INSL6: variants seen among roughly 807,000 people sequenced by gnomAD.
INSL6 encodes the protein insulin-like peptide INSL6.
In INSL6, 16 loss-of-function variants were observed where a neutral mutation model predicts 9.4. That is an observed-to-expected ratio of 1.70 (90% confidence interval 1.15 to 2.59). INSL6 has a LOEUF of 2.59. Among genes scored for constraint, INSL6 ranks in the 30% most tolerant of loss-of-function variants. The probability of loss-of-function intolerance (pLI) is 0.00; values close to 1 mark genes in which losing one functional copy is unlikely to be tolerated. For missense variants in INSL6, 391 were observed against 257.3 expected (o/e 1.52, Z -3.56); for synonymous variants, 154 against 96.9 (o/e 1.59, Z -3.46).
intron 2 of INSL6, among the ~76,000 whole-genome samples, chr9:5,151,313 T>C (rs1007011709): frequency 5.9e-5 from 9 of 151,874 alleles, no homozygotes; most frequent in South Asian, 2.1e-4. Context: ...GCAGGAAAAA[T>C]CTGATATTAG....
the INSL6 span, among the ~76,000 whole-genome samples, chr9:5,040,112 G>T: frequency 6.6e-6 from 1 of 152,316 alleles, no homozygotes; most frequent in South Asian, 2.1e-4. Flanking sequence ...TGAATATACA[G>T]ATTAATGGAA....
the INSL6 span, among the ~76,000 whole-genome samples, chr9:5,075,961 A>C: frequency 6.6e-6 from 1 of 152,280 alleles, no homozygotes; most frequent in Non-Finnish European, 1.5e-5. Flanking sequence ...GAAAAAGTTC[A>C]TTCTAACCCT....
downstream of INSL6, among the ~76,000 whole-genome samples, chr9:5,161,129 C>CA (rs1198824662): frequency 6.6e-6 from 1 of 151,934 alleles, no homozygotes; most frequent in African/African-American, 2.4e-5. Flanking sequence ...AAAGGCACAT[C>CA]AAAAAAGGAA....
chr9:5,183,517 G>A (rs1390200484), intron 1 of INSL6, among the ~76,000 whole-genome samples: 2 of 152,202 alleles, frequency 1.3e-5, no homozygotes, highest in African/African-American at 4.8e-5. Context: ...TCATTAACAA[G>A]CTGAGTTTTA....
chr9:5,082,455 G>A, the INSL6 span, among the ~76,000 whole-genome samples: 1 of 152,244 alleles, frequency 6.6e-6, no homozygotes, highest in Non-Finnish European at 1.5e-5. Flanking sequence ...CCGCCACAGG[G>A]CAGTTTTTCT....
the INSL6 span, among the ~76,000 whole-genome samples, chr9:5,036,548 A>C: frequency 1.3e-5 from 2 of 152,218 alleles, no homozygotes; most frequent in Non-Finnish European, 2.9e-5. Flanking sequence ...AATGGAAAGA[A>C]ATAATGCTAC....
chr9:5,046,136 G>A, the INSL6 span, among the ~76,000 whole-genome samples: 3 of 152,302 alleles, frequency 2.0e-5, no homozygotes, highest in African/African-American at 7.2e-5. Context: ...CAGTGATCAT[G>A]AGCATCTTTT....
At chr9:5,127,639 C>T (rs1824082999) in intron 3 of INSL6, 2 of 231,914 alleles carry the variant, frequency 8.6e-6, no homozygotes. Flanking sequence ...TTAAGAATGC[C>T]AGGAATATTG....
the INSL6 span, among the ~76,000 whole-genome samples, chr9:5,068,181 A>C: frequency 3.3e-5 from 5 of 152,070 alleles, no homozygotes; most frequent in Non-Finnish European, 7.4e-5. Flanking sequence ...CAACAAAAAA[A>C]AAAAAAAACA....
chr9:5,070,235 A>G, the INSL6 span, among the ~76,000 whole-genome samples: 1 of 149,960 alleles, frequency 6.7e-6, no homozygotes, highest in South Asian at 2.1e-4. Context: ...TAATTATCTT[A>G]ATTATCCTAA....
chr9:5,004,896 A>T, the INSL6 span, among the ~76,000 whole-genome samples: 9 of 149,186 alleles, frequency 6.0e-5, no homozygotes, highest in Non-Finnish European at 1.2e-4. Context: ...TTTCATGAAC[A>T]TGTTGGCCAT....
chr9:5,127,375 G>A (rs901895077), intron 3 of INSL6: 7 of 231,808 alleles, frequency 3.0e-5, no homozygotes, highest in Admixed American at 2.8e-4. Context: ...ATAAGCAGGT[G>A]TATACTTTTA....
chr9:5,087,049 A>G, the INSL6 span, among the ~76,000 whole-genome samples: 1 of 152,250 alleles, frequency 6.6e-6, no homozygotes, highest in Non-Finnish European at 1.5e-5. Flanking sequence ...AAAATCAGAT[A>G]TAAATCTTTA....
chr9:5,041,945 T>A, the INSL6 span: 14 of 385,274 alleles, frequency 3.6e-5, no homozygotes, highest in East Asian at 4.0e-4. Flanking sequence ...TTCTTCCCCC[T>A]GAATCTTCTC....
At chr9:5,057,580 C>CTTTTTT in the INSL6 span, among the ~76,000 whole-genome samples, 7 of 116,796 alleles carry the variant, frequency 6.0e-5, no homozygotes, top group Non-Finnish European at 1.0e-4. Flanking sequence ...ATTCTACTTT[C>CTTTTTT]TTTTTTTTTT....
the INSL6 span, chr9:5,065,118 C>A: frequency 6.1e-5 from 54 of 890,290 alleles, no homozygotes; most frequent in Non-Finnish European, 7.5e-5. Context: ...CAGAGTGATA[C>A]ATGTATGTTT....
chr9:5,041,506 C>G, the INSL6 span: 1 of 570,628 alleles, frequency 1.8e-6, no homozygotes, highest in Non-Finnish European at 3.4e-6. Flanking sequence ...ATCGGGGACA[C>G]ATAGCGCGCC....
chr9:5,176,055 T>C (rs965751083), intron 1 of INSL6, among the ~76,000 whole-genome samples: 17 of 152,178 alleles, frequency 1.1e-4, no homozygotes, highest in African/African-American at 4.1e-4. Flanking sequence ...TAAAATACCC[T>C]ATTTTATCAT....
chr9:5,149,410 C>G (rs1342431507), intron 2 of INSL6, among the ~76,000 whole-genome samples: 1 of 152,168 alleles, frequency 6.6e-6, no homozygotes, highest in Non-Finnish European at 1.5e-5. Context: ...TGCTTACCTT[C>G]CTACCCACCA....
Sources: allele counts gnomAD v4.1 joint callset (sites outside exome capture counted in the v4.1 genomes callset), GRCh38; gene constraint gnomAD v4.1.1; transcripts MANE v1.5; gene names NCBI Gene and HGNC (gene_info 2026-07-23, HGNC 2026-07-21).